The following ZDHHC20 variants were observed in gnomAD, a reference collection of about 807,000 sequenced individuals.
The protein encoded by ZDHHC20 is zDHHC palmitoyltransferase 20.
Under a neutral mutation model 57.8 loss-of-function variants are expected in ZDHHC20, and 43 were observed. The observed-to-expected ratio is 0.74, with a 90% confidence interval of 0.58 to 0.96. The LOEUF is 0.96. Among genes scored for constraint, ZDHHC20 ranks in the 40% least tolerant of loss-of-function variants. ZDHHC20 has a pLI of 0.00. For synonymous variants in ZDHHC20, 157 were observed against 153.0 expected, an observed-to-expected ratio of 1.03 and a Z score of -0.19; for missense variants, 391 against 441.1, an observed-to-expected ratio of 0.89 and a Z score of 1.02.
intron 12 of ZDHHC20, chr13:21,377,056 T>C (rs916084364): frequency 6.2e-6 from 1 of 161,436 alleles, no homozygotes; most frequent in Non-Finnish European, 1.3e-5. Flanking sequence ...TCTGCCCACA[T>C]TAAGAAGAAA....
At chr13:21,389,043 T>C (rs1288288794) in intron 8 of ZDHHC20, among the ~76,000 whole-genome samples, 1 of 152,192 alleles carries the variant, frequency 6.6e-6, no homozygotes, top group Non-Finnish European at 1.5e-5. Context: ...CATATTCAAG[T>C]TTAAAATTTC....
intron 7 of ZDHHC20, among the ~76,000 whole-genome samples, chr13:21,399,467 A>C (rs2137783988): frequency 6.6e-6 from 1 of 152,206 alleles, no homozygotes; most frequent in Non-Finnish European, 1.5e-5. Context: ...TTAATGAAAA[A>C]CAGCAGTTCT....
At chr13:21,422,689 A>G (rs796951637) in intron 2 of ZDHHC20, among the ~76,000 whole-genome samples, 17 of 152,294 alleles carry the variant, frequency 1.1e-4, no homozygotes, top group African/African-American at 1.7e-4. Context: ...CTGCCAGTGC[A>G]TACTTCATAA....
intron 1 of ZDHHC20, among the ~76,000 whole-genome samples, chr13:21,449,185 C>G (rs1408293054): frequency 6.1e-5 from 9 of 148,722 alleles, no homozygotes; most frequent in Admixed American, 5.4e-4. Context: ...CCAAATCCCC[C>G]TCTGTGAGAA....
chr13:21,380,121 T>C (rs1873043136), intron 11 of ZDHHC20, among the ~76,000 whole-genome samples: 1 of 143,206 alleles, frequency 7.0e-6, no homozygotes, highest in African/African-American at 2.6e-5. Context: ...AGCCTTTTTT[T>C]CCTTTCTTCC....
In ZDHHC20 at chr13:21,382,954, C is replaced by T. The variant is rs1289591930; in HGVS notation, c.910G>A (p.Ala304Thr). ...TRLVGMDPEQ[A>T]SVTNQNEYAR... Reference sequence around the variant, plus strand: ...TACTCATTCTGGTTTGTAACAGAAGCTTGTTCTGGATCCATCCCCACAAGG... The same window carrying T: ...TACTCATTCTGGTTTGTAACAGAAGTTTGTTCTGGATCCATCCCCACAAGG... Residue 304 changes from alanine to threonine, a missense_variant, in exon 10 of 13, where the codon GCT becomes ACT. Transcript: ENST00000400590. The T allele has an allele frequency of 1.3e-6, 2 of 1,565,272 alleles. No individual in the cohort carries two copies. Among genetic ancestry groups the T allele is most frequent in the Non-Finnish European group, 1.7e-6 (2 of 1,153,876 alleles).
intron 8 of ZDHHC20, among the ~76,000 whole-genome samples, chr13:21,387,868 A>C (rs1188286567): frequency 6.6e-6 from 1 of 152,166 alleles, no homozygotes; most frequent in East Asian, 1.9e-4. Context: ...ATAATTATCA[A>C]ATATTACTGA....
At chr13:21,430,514 G>T (rs1156949919) in intron 1 of ZDHHC20, among the ~76,000 whole-genome samples, 4 of 151,954 alleles carry the variant, frequency 2.6e-5, no homozygotes, top group African/African-American at 7.3e-5. Flanking sequence ...GACACAGGAG[G>T]GGGGTCTTGT....
At chr13:21,426,560 T>C (rs371811291) in intron 1 of ZDHHC20, among the ~76,000 whole-genome samples, 2 of 152,070 alleles carry the variant, frequency 1.3e-5, no homozygotes, top group South Asian at 4.2e-4. Context: ...CCCTCTGTAA[T>C]CTACAATCTG....
chr13:21,416,173 C>CCAG (rs1383147973), intron 3 of ZDHHC20, among the ~76,000 whole-genome samples: 1 of 147,074 alleles, frequency 6.8e-6, no homozygotes, highest in African/African-American at 2.6e-5. Context: ...CCACTACACT[C>CCAG]CAGCCTGGTG....
Position 21,413,661 on chromosome 13 carries a change from C to T in ZDHHC20, c.361G>A (p.Ala121Thr). 1 of 1,586,944 alleles carries T rather than the reference C, an allele frequency of 6.3e-7. No individual in the cohort carries two copies. The part of the protein sequence containing the change: ...ARALPIYTTS[A>T]SKTIRYCEKC... Reference sequence around the variant, plus strand: ...TTATTCTTTTTCTTACTTTTTGAAGCTGATGTGGTATAGATAGGTAAAGCT... The same window carrying T: ...TTATTCTTTTTCTTACTTTTTGAAGTTGATGTGGTATAGATAGGTAAAGCT... Residue 121 changes from alanine (A) to threonine (T), a missense_variant, in exon 4 of 13, where the codon GCT (alanine) becomes ACT (threonine). Ala to Thr is a moderately conservative substitution (Grantham distance 58, BLOSUM62 0). Coordinates refer to ENST00000400590, the MANE Select transcript of ZDHHC20 (RefSeq NM_001330059.2).
At chr13:21,389,199 T>A (rs770317915) in intron 8 of ZDHHC20, among the ~76,000 whole-genome samples, 1 of 152,136 alleles carries the variant, frequency 6.6e-6, no homozygotes, top group Non-Finnish European at 1.5e-5. Context: ...GTGACAGTTA[T>A]GAAGAAGACA....
In ZDHHC20 at chr13:21,374,517, G is replaced by A. The variant is rs1042496882; in HGVS notation, c.*2179C>T. 2.3e-6 allele frequency: 1 copy of A among 439,578 alleles called. No homozygotes were observed. The highest frequency in any genetic ancestry group is 4.6e-6 in the Non-Finnish European group (1 of 216,990). The allele number at this position is 439,578 out of a possible 1,614,324, so 27.2% of individuals were successfully genotyped here. A position where few individuals can be genotyped will look rare whatever the true frequency, so the allele number is the denominator to read the frequency against. On this transcript the variant is annotated 3_prime_UTR_variant, in exon 13 of 13. Coordinates refer to ENST00000400590, the MANE Select transcript of ZDHHC20 (RefSeq NM_001330059.2). ...CCCAAAGTGCTGGGATTACAGGCAT[G>A]AGCCACCACACCCAGCAATAATTGG...
At chr13:21,419,980 G>A (rs963617669) in intron 3 of ZDHHC20, among the ~76,000 whole-genome samples, 7 of 152,110 alleles carry the variant, frequency 4.6e-5, no homozygotes, top group African/African-American at 1.7e-4. Context: ...AATGTGGCAG[G>A]TACACTAGTA....
intron 1 of ZDHHC20, among the ~76,000 whole-genome samples, chr13:21,456,052 C>A (rs1017825812): frequency 6.6e-6 from 1 of 152,112 alleles, no homozygotes; most frequent in Non-Finnish European, 1.5e-5. Context: ...TTAATACATA[C>A]ATGTAAAGAT....
chr13:21,400,275 A>T (rs1877430738), intron 7 of ZDHHC20, 98 bp downstream of exon 7: 7 of 1,173,100 alleles, frequency 6.0e-6, no homozygotes, highest in African/African-American at 1.6e-5. Context: ...TTGTAAAATT[A>T]AAGTATATCT....
In ZDHHC20 at chr13:21,384,395, G is replaced by A. The variant is rs528498171; in HGVS notation, c.855-1386C>T. Among the ~76,000 whole-genome samples the A allele has an allele frequency of 3.6e-5, 5 of 140,528 alleles. No homozygotes were observed. The South Asian group carries it at 7.1e-4, about 20-fold the overall frequency. 92.2% of individuals were successfully genotyped at this position (140,528 alleles called of 152,430 possible). ...GCGGAGGTTGCAGTGAGCCAAGATC[G>A]CACCACTGCACTTCAGCCTGAGCAC... is the stretch of plus-strand genomic sequence containing the variant. On this transcript the variant is annotated intron_variant, in intron 9 of 12. Coordinates refer to ENST00000400590, the MANE Select transcript of ZDHHC20 (RefSeq NM_001330059.2).
intron 9 of ZDHHC20, among the ~76,000 whole-genome samples, chr13:21,385,426 C>T (rs988968895): frequency 2.6e-5 from 4 of 152,102 alleles, no homozygotes; most frequent in African/African-American, 4.8e-5. Flanking sequence ...AAGACTCTGT[C>T]TCTAAATAAA....
intron 1 of ZDHHC20, among the ~76,000 whole-genome samples, chr13:21,437,423 C>T (rs1073039): frequency 0.16 from 23,774 of 152,132 alleles, 2,534 homozygotes; most frequent in Non-Finnish European, 0.25. Context: ...AACAGATGCT[C>T]GCTGCAGATG....
Sources: gnomAD v4.1 joint callset for allele counts (sites outside exome capture counted in the v4.1 genomes callset) on GRCh38, gnomAD v4.1.1 for gene constraint, MANE v1.5 for transcripts, NCBI Gene and HGNC (gene_info 2026-07-23, HGNC 2026-07-21) for gene names.